RABGAP1L: variants seen among roughly 807,000 people sequenced by gnomAD.
RABGAP1L encodes RAB GTPase activating protein 1 like.
In RABGAP1L, 63 loss-of-function variants were observed where a neutral mutation model predicts 137.7. That is an observed-to-expected ratio of 0.46 (90% CI 0.37 to 0.56). The LOEUF is 0.56. Among genes scored for constraint, RABGAP1L ranks in the 20% least tolerant of loss-of-function variants. The pLI, the probability that RABGAP1L is intolerant of heterozygous loss-of-function variation, is 0.00. For synonymous variants in RABGAP1L, 431 were observed against 433.7 expected (o/e 0.99, Z 0.08); for missense variants, 1,095 against 1,244.0 (o/e 0.88, Z 1.80).
At chr1:174,505,201 T>A (rs2901820) in intron 13 of RABGAP1L, among the ~76,000 whole-genome samples, 31,855 of 152,124 alleles carry the variant, frequency 0.21, 3,674 homozygotes, top group Admixed American at 0.25. Context: ...AGAATTCTCC[T>A]TTGACTCCTT....
chr1:174,365,613 GGCAGCAGT>G (rs1684545492), intron 11 of RABGAP1L, among the ~76,000 whole-genome samples: 1 of 152,094 alleles, frequency 6.6e-6, no homozygotes, highest in Non-Finnish European at 1.5e-5. Flanking sequence ...GCTGTGACAG[GGCAGCAGT>G]GAATTCAATG....
At chr1:174,475,983 TAAGTTG>T (rs954389447) in intron 13 of RABGAP1L, among the ~76,000 whole-genome samples, 7 of 152,024 alleles carry the variant, frequency 4.6e-5, no homozygotes, top group African/African-American at 1.7e-4. Context: ...TAAATCTTTC[TAAGTTG>T]AAGTTGAAAG....
At chr1:174,872,696 A>G (rs368163976) in intron 19 of RABGAP1L, among the ~76,000 whole-genome samples, 18 of 151,876 alleles carry the variant, frequency 1.2e-4, no homozygotes, top group African/African-American at 3.6e-4. Context: ...ACTTGCTACC[A>G]TGCCTGGCTG....
rs146772172 is a variant in RABGAP1L at position 174,668,596 on chromosome 1, T to C, written c.1825-14926T>C. ...TGGGAGTGCAGCTCTCTCTTTAGTA[T>C]ATTGATTTAATTTCTTTTGTATATA... On this transcript the variant is annotated intron_variant, in intron 14 of 25. Transcript: ENST00000681986. Among the ~76,000 whole-genome samples the C allele has an allele frequency of 1.2e-3, 181 of 152,290 alleles. 1 individual carries two copies. Among genetic ancestry groups the C allele is most frequent in the African/African-American group, 4.3e-3 (177 of 41,578 alleles).
Position 174,432,261 on chromosome 1 carries a change from G to A in RABGAP1L, c.1710+38116G>A, listed in dbSNP as rs556259145. On this transcript the variant is annotated intron_variant, in intron 13 of 25. Transcript: ENST00000681986. ...TTGCTTAGGATAATAGCCTCTGGTC[G>A]CATCCATTCTCCTGCAAAAGATATG... Among the ~76,000 whole-genome samples, 8 of 152,178 alleles carry A rather than the reference G, an allele frequency of 5.3e-5. No homozygotes were observed. In the South Asian group the frequency reaches 1.7e-3, roughly 32 times the overall value.
intron 17 of RABGAP1L, among the ~76,000 whole-genome samples, chr1:174,744,090 T>TAAAAAAAA (rs10694829): frequency 4.4e-5 from 2 of 45,134 alleles, no homozygotes; most frequent in African/African-American, 8.7e-5. Flanking sequence ...GTGAAATACG[T>TAAAAAAAA]AAAAAAAAAA....
intron 1 of RABGAP1L, among the ~76,000 whole-genome samples, chr1:174,179,059 G>T (rs931443341): frequency 1.3e-5 from 2 of 152,078 alleles, no homozygotes; most frequent in African/African-American, 4.8e-5. Flanking sequence ...GTGTGAGGCT[G>T]TTAAGCTAGT....
intron 13 of RABGAP1L, among the ~76,000 whole-genome samples, chr1:174,530,644 TTCTC>T (rs1393367014): frequency 7.2e-5 from 11 of 152,178 alleles, no homozygotes; most frequent in Admixed American, 2.0e-4. Flanking sequence ...CTCCCTTCCT[TTCTC>T]CTTGCTTTAG....
At chr1:174,451,991 A>T (rs1655503848) in intron 13 of RABGAP1L, among the ~76,000 whole-genome samples, 1 of 152,186 alleles carries the variant, frequency 6.6e-6, no homozygotes, top group Non-Finnish European at 1.5e-5. Flanking sequence ...AGGCTGAATG[A>T]GGCAAATTCT....
intron 13 of RABGAP1L, among the ~76,000 whole-genome samples, chr1:174,546,190 A>G (rs1004636586): frequency 1.3e-5 from 2 of 152,222 alleles, no homozygotes; most frequent in Non-Finnish European, 2.9e-5. Flanking sequence ...AAGCAATACT[A>G]GAAAAAGTAG....
At chr1:174,704,213 G>C (rs891276568) in intron 17 of RABGAP1L, among the ~76,000 whole-genome samples, 1 of 152,122 alleles carries the variant, frequency 6.6e-6, no homozygotes, top group Non-Finnish European at 1.5e-5. Flanking sequence ...TGGCCAGGCT[G>C]GTCTCAAACT....
At chr1:174,351,075 AGGG>A (rs1285910751) in intron 11 of RABGAP1L, among the ~76,000 whole-genome samples, 5 of 1,348 alleles carry the variant, frequency 3.7e-3, no homozygotes. Flanking sequence ...CCGTGGGGGG[AGGG>A]GGAGGGGGAG....
intron 13 of RABGAP1L, among the ~76,000 whole-genome samples, chr1:174,477,312 G>A (rs1658604425): frequency 6.6e-6 from 1 of 152,134 alleles, no homozygotes; most frequent in South Asian, 2.1e-4. Flanking sequence ...AACCTTCACT[G>A]TGCTTCTTAG....
chr1:174,396,091 T>G (rs899761196), intron 13 of RABGAP1L, among the ~76,000 whole-genome samples: 114 of 152,286 alleles, frequency 7.5e-4, no homozygotes, highest in African/African-American at 2.7e-3. Flanking sequence ...TTTATGATTA[T>G]TTTTATATAA....
intron 19 of RABGAP1L, among the ~76,000 whole-genome samples, chr1:174,828,080 C>G (rs1398898900): frequency 6.8e-6 from 1 of 148,004 alleles, no homozygotes; most frequent in African/African-American, 2.5e-5. Context: ...AAATTTTGAC[C>G]CAATTTTAGG....
intron 19 of RABGAP1L, among the ~76,000 whole-genome samples, chr1:174,916,400 C>T (rs1286526384): frequency 6.6e-6 from 1 of 152,048 alleles, no homozygotes; most frequent in African/African-American, 2.4e-5. Flanking sequence ...ACTTAAATAT[C>T]GCTGAAAAGA....
intron 13 of RABGAP1L, among the ~76,000 whole-genome samples, chr1:174,619,927 A>T (rs1672280149): frequency 6.6e-6 from 1 of 152,188 alleles, no homozygotes; most frequent in Non-Finnish European, 1.5e-5. Flanking sequence ...TAGGCTCACA[A>T]TAAGGGACGG....
chr1:174,437,194 C>G (rs1003209499), intron 13 of RABGAP1L, among the ~76,000 whole-genome samples: 1 of 152,158 alleles, frequency 6.6e-6, no homozygotes, highest in Admixed American at 6.5e-5. Context: ...AGCTCCTCAC[C>G]AGCAACGGAA....
At chr1:174,220,487 G>A (rs1018889485) in intron 2 of RABGAP1L, among the ~76,000 whole-genome samples, 6 of 152,074 alleles carry the variant, frequency 3.9e-5, no homozygotes, top group African/African-American at 1.4e-4. Flanking sequence ...GGCCAATGTG[G>A]GGAAATCCCG....
Sources: gnomAD v4.1 joint callset for allele counts (sites outside exome capture counted in the v4.1 genomes callset) on GRCh38, gnomAD v4.1.1 for gene constraint, MANE v1.5 for transcripts, NCBI Gene and HGNC (gene_info 2026-07-23, HGNC 2026-07-21) for gene names.